Variants in IRX5 observed in about 807,000 individuals in gnomAD.
IRX5 encodes iroquois-class homeodomain protein IRX-5.
Under a neutral mutation model 37.6 loss-of-function variants are expected in IRX5, and 8 were observed. The ratio of observed to expected loss-of-function variants is 0.21; its 90% CI spans 0.12 to 0.38. IRX5 has a LOEUF of 0.38. Among genes scored for constraint, IRX5 ranks in the 10% least tolerant of loss-of-function variants. The pLI, the probability that IRX5 is intolerant of heterozygous loss-of-function variation, is 1.00. For missense variants in IRX5, 635 were observed against 695.2 expected (o/e 0.91, Z 0.97); for synonymous variants, 359 against 328.6 (o/e 1.09, Z -1.00).
intron 1 of IRX5, chr16:54,931,941 G>C (rs1249093533): frequency 6.4e-6 from 4 of 621,100 alleles, no homozygotes; most frequent in African/African-American, 3.7e-5. Context: ...AAAGTCGGTC[G>C]AGCTGCGGTG....
rs1249752496 is a variant in IRX5, at chr16:54,932,032, G to C, written c.250-466G>C. Reference sequence around the variant, plus strand: ...GGTGGGAGTGCGTGGGCATGGCTCAGCTTTTTGTTTGCATTTCTTAGCTGT... The same window carrying C: ...GGTGGGAGTGCGTGGGCATGGCTCACCTTTTTGTTTGCATTTCTTAGCTGT... On this transcript the variant is annotated intron_variant, in intron 1 of 2. Coordinates refer to ENST00000394636, the MANE Select transcript of IRX5 (RefSeq NM_005853.6). The surrounding 1 kb of genome is among the most constrained non-coding windows in gnomAD (Gnocchi z 6.7). 3 of 701,494 alleles carry C rather than the reference G, an allele frequency of 4.3e-6. No individual in the cohort carries two copies. Among genetic ancestry groups the C allele is most frequent in the Non-Finnish European group, 5.2e-6 (2 of 384,496 alleles). The allele number at this position is 701,494 out of a possible 1,614,324, so 43.5% of individuals were successfully genotyped here. A position where few individuals can be genotyped will look rare whatever the true frequency, so the allele number is the denominator to read the frequency against.
chr16:54,931,771 A>G (rs765240892), intron 1 of IRX5, among the ~76,000 whole-genome samples: 3 of 152,368 alleles, frequency 2.0e-5, no homozygotes, highest in South Asian at 2.1e-4. Context: ...TGGTTTTGCC[A>G]TTTTGGAAAA....
chr16:54,933,320 C>G lies in IRX5; in HGVS notation c.899C>G (p.Pro300Arg), dbSNP rs774473159. Reference sequence around the variant, plus strand: ...CCCGCCGGAGCGCCGGCGCCCGGCCCGCATCCAGCCGCGGGCGAGGTGCCT... The same window carrying G: ...CCCGCCGGAGCGCCGGCGCCCGGCCGGCATCCAGCCGCGGGCGAGGTGCCT... ...HYPAGAPAPG[P>R]HPAAGEVPPG... Residue 300 changes from proline to arginine, a missense_variant, in exon 3 of 3, where the codon CCG becomes CGG. Coordinates refer to ENST00000394636, the MANE Select transcript of IRX5 (RefSeq NM_005853.6). 2 of 1,452,134 alleles carry G rather than the reference C, an allele frequency of 1.4e-6. No individual in the cohort carries two copies. The highest frequency in any genetic ancestry group is 1.4e-5 in the South Asian group (1 of 73,622). 90.0% of individuals were successfully genotyped at this position (1,452,134 alleles called of 1,614,324 possible).
Position 54,931,395 on chromosome 16 carries a change from A to T in IRX5, c.197A>T (p.Gln66Leu). 1 of 1,599,078 alleles carries T rather than the reference A, an allele frequency of 6.3e-7. No individual in the cohort carries two copies. ...TCGCCGGGCTACAACTCGCACCTCCAGTACGGCGCCGACCCCGCGGCCGCC... is the reference window on the plus strand; with the variant it reads ...TCGCCGGGCTACAACTCGCACCTCCTGTACGGCGCCGACCCCGCGGCCGCC... Reference protein sequence around the residue: ...APSPGYNSHLQYGADPAAAAA... With the variant: ...APSPGYNSHLLYGADPAAAAA... Residue 66 changes from glutamine to leucine, a missense_variant, in exon 1 of 3, where the codon CAG (glutamine) becomes CTG (leucine). Gln to Leu is a moderately radical substitution (Grantham distance 113). Coordinates refer to ENST00000394636, the MANE Select transcript of IRX5 (RefSeq NM_005853.6).
In IRX5 at chr16:54,932,859, C is replaced by G; in HGVS notation, c.611C>G (p.Pro204Arg). The stretch of plus-strand genomic sequence containing the variant: ...CTGGAGAAGAACGACGAGGACGAGC[C>G]CCAGAAGCCCGAGGACAAGGGCGAC... ...IDLEKNDEDE[P>R]QKPEDKGDPE... Residue 204 changes from proline (P) to arginine (R), a missense_variant, in exon 2 of 3, where the codon CCC (proline) becomes CGC (arginine). Around this residue, in one of 5 missense-constraint regions of IRX5, gnomAD observed 244 missense variants for 205.4 expected, o/e 1.19. Coordinates refer to ENST00000394636, the MANE Select transcript of IRX5 (RefSeq NM_005853.6). This position sits in a 1 kb window ranked among gnomAD's most constrained non-coding sequence, Gnocchi z 6.7. 1 of 1,613,824 alleles carries G rather than the reference C, an allele frequency of 6.2e-7. No homozygotes were observed. Among genetic ancestry groups the G allele is most frequent in the Non-Finnish European group, 8.5e-7 (1 of 1,179,880 alleles).
rs1162773855 is a variant in IRX5 at position 54,931,197 on chromosome 16, C to T, written c.-2C>T. ...CGGCGCGCCCCATGCCCGTGTGTGG[C>T]CATGTCCTATCCGCAGGGCTACTTG... On this transcript the variant is annotated 5_prime_UTR_variant, in exon 1 of 3. Coordinates refer to ENST00000394636, the MANE Select transcript of IRX5 (RefSeq NM_005853.6). 6.2e-7 allele frequency: 1 copy of T among 1,603,944 alleles called. No homozygotes were observed. The highest frequency in any genetic ancestry group is 1.4e-5 in the African/African-American group (1 of 73,822).
At position 54,932,519 on chromosome 16, in the gene IRX5, C is replaced by G; in HGVS notation, c.271C>G (p.Pro91Ala). ...GCAGGGCTCTCCCTACGACCACACA[C>G]CCGGCATGGCGGGCTCCTTGGGGTA... is the stretch of plus-strand genomic sequence containing the variant. Reference protein sequence around the residue: ...SYVGSPYDHTPGMAGSLGYHP... With the variant: ...SYVGSPYDHTAGMAGSLGYHP... The change falls in exon 2 of 3, where the codon CCC becomes GCC. Residue 91 changes from proline to alanine, a missense_variant. Pro to Ala is a conservative substitution (Grantham distance 27). This residue lies in a region of IRX5 where 145 missense variants were observed against 152.4 expected (regional missense o/e 0.95). Coordinates refer to ENST00000394636, the MANE Select transcript of IRX5 (RefSeq NM_005853.6). This position sits in a 1 kb window ranked among gnomAD's most constrained non-coding sequence, Gnocchi z 6.7. 1 of 1,612,596 alleles carries G rather than the reference C, an allele frequency of 6.2e-7. No homozygotes were observed. Among genetic ancestry groups the G allele is most frequent in the Non-Finnish European group, 8.5e-7 (1 of 1,179,124 alleles).
rs181183549 is a variant in IRX5 at position 54,934,260 on chromosome 16, A to T, written c.*387A>T. 284 of 156,130 alleles carry T rather than the reference A, an allele frequency of 1.8e-3. No individual in the cohort carries two copies. Among genetic ancestry groups the T allele is most frequent in the African/African-American group, 6.5e-3 (270 of 41,746 alleles). 9.7% of individuals were successfully genotyped at this position (156,130 alleles called of 1,614,324 possible). ...TTTCCCCCAAAACTGTTTCATAGTT[A>T]AAAAATACAAGTTTAATTTAATTTT... On this transcript the variant is annotated 3_prime_UTR_variant, in exon 3 of 3. Coordinates refer to ENST00000394636, the MANE Select transcript of IRX5 (RefSeq NM_005853.6).
chr16:54,933,639 G>C lies in IRX5; in HGVS notation c.1218G>C (p.Ala406=). The C allele has an allele frequency of 6.2e-7, 1 of 1,609,898 alleles. No homozygotes were observed. The highest frequency in any genetic ancestry group is 8.5e-7 in the Non-Finnish European group (1 of 1,176,932). The part of the protein sequence containing the change: ...TVLSRPLYYT[A]PFYPGYTNYG... The stretch of plus-strand genomic sequence containing the variant: ...TGTCCCGGCCTCTCTACTACACCGC[G>C]CCCTTCTATCCCGGCTACACGAACT... The change falls in exon 3 of 3, where the codon GCG becomes GCC. Residue 406 remains alanine (A), a synonymous_variant. Transcript: ENST00000394636.
chr16:54,933,145 G>C lies in IRX5; in HGVS notation c.724G>C (p.Glu242Gln), dbSNP rs1354508560. 1.3e-6 allele frequency: 2 copies of C among 1,582,100 alleles called. No homozygotes were observed. Among genetic ancestry groups the C allele is most frequent in the Non-Finnish European group, 1.7e-6 (2 of 1,171,452 alleles). Residue 242 changes from glutamate (E) to glutamine (Q), a missense_variant, in exon 3 of 3, where the codon GAG becomes CAG. Physicochemically the swap from Glu to Gln is conservative, Grantham distance 29 (BLOSUM62 2). This residue lies in a region of IRX5 where 244 missense variants were observed against 205.4 expected (regional missense o/e 1.19). Coordinates refer to ENST00000394636, the MANE Select transcript of IRX5 (RefSeq NM_005853.6). ...LQGPPTPAGK[E>Q]TEGSLSDSDF... ...GGGACCACCCACCCCTGCAGGCAAG[G>C]AGACGGAGGGCAGCCTCAGCGACTC...
At position 54,932,881 on chromosome 16, in the gene IRX5, C is replaced by A. The variant is rs777128193; in HGVS notation, c.633C>A (p.Gly211=). The change falls in exon 2 of 3, where the codon GGC becomes GGA. Residue 211 remains glycine (G), a synonymous_variant. Coordinates refer to ENST00000394636, the MANE Select transcript of IRX5 (RefSeq NM_005853.6). The surrounding 1 kb of genome is among the most constrained non-coding windows in gnomAD (Gnocchi z 6.7). ...AGCCCCAGAAGCCCGAGGACAAGGG[C>A]GACCCCGAGGGCCCCGAAGCAGGTT... ...EDEPQKPEDK[G]DPEGPEAGGA... is the part of the protein sequence containing the mutation. 1.2e-6 allele frequency: 2 copies of A among 1,611,596 alleles called. No homozygotes were observed. Among genetic ancestry groups the A allele is most frequent in the Non-Finnish European group, 8.5e-7 (1 of 1,178,654 alleles).
chr16:54,931,317 C>T lies in IRX5; in HGVS notation c.119C>T (p.Ser40Phe). ...CGCACGGATGAGCTCGGCCGCTCTT[C>T]TTCGGGCTCCGCGTTCTCGCCCTAC... ...GPRTDELGRS[S>F]SGSAFSPYAG... The change falls in exon 1 of 3, where the codon TCT becomes TTT. Residue 40 changes from serine to phenylalanine, a missense_variant. By Grantham distance (155) the Ser-to-Phe change is radical. This residue lies in a region of IRX5 where 145 missense variants were observed against 152.4 expected (regional missense o/e 0.95). Coordinates refer to ENST00000394636, the MANE Select transcript of IRX5 (RefSeq NM_005853.6). 1 of 1,612,074 alleles carries T rather than the reference C, an allele frequency of 6.2e-7. No homozygotes were observed. The highest frequency in any genetic ancestry group is 8.5e-7 in the Non-Finnish European group (1 of 1,179,658).
In IRX5 at chr16:54,933,951, A is replaced by G. The variant is rs1963938760; in HGVS notation, c.*78A>G. ...GCAGTTATTTTTCCATCACCGAGAG[A>G]GAGAGACAGAGAGAGAAAATAAACT... On this transcript the variant is annotated 3_prime_UTR_variant, in exon 3 of 3. Coordinates refer to ENST00000394636, the MANE Select transcript of IRX5 (RefSeq NM_005853.6). 4.4e-6 allele frequency: 6 copies of G among 1,366,300 alleles called. No individual in the cohort carries two copies. The highest frequency in any genetic ancestry group is 5.8e-6 in the Non-Finnish European group (6 of 1,026,294). The allele number at this position is 1,366,300 out of a possible 1,614,324, so 84.6% of individuals were successfully genotyped here.
Position 54,932,392 on chromosome 16 carries a change from T to G in IRX5, c.250-106T>G. On this transcript the variant is annotated intron_variant, in intron 1 of 2. Transcript: ENST00000394636. This position sits in a 1 kb window ranked among gnomAD's most constrained non-coding sequence, Gnocchi z 6.7. ...CCCGTAGGAAGCTGGAGTGCGGGCC[T>G]CGTCCACCCACAGACCCCGGGGAGC... 1 of 1,332,580 alleles carries G rather than the reference T, an allele frequency of 7.5e-7. No homozygotes were observed. The highest frequency in any genetic ancestry group is 2.2e-4 in the Middle Eastern group (1 of 4,450). 82.5% of individuals were successfully genotyped at this position (1,332,580 alleles called of 1,614,324 possible). A position where few individuals can be genotyped will look rare whatever the true frequency, so the allele number is the denominator to read the frequency against.
chr16:54,932,112 C>T lies in IRX5; in HGVS notation c.250-386C>T. ...CCTTGTTTTCCCCCCTTGCGCCCAA[C>T]GTGCGTCCGCTCCCCCGCCGAGCGC... On this transcript the variant is annotated intron_variant, in intron 1 of 2. Transcript: ENST00000394636. This position sits in a 1 kb window ranked among gnomAD's most constrained non-coding sequence, Gnocchi z 6.7. The T allele has an allele frequency of 1.4e-6, 1 of 702,900 alleles. No homozygotes were observed. Among genetic ancestry groups the T allele is most frequent in the South Asian group, 1.5e-5 (1 of 67,604 alleles). The allele number at this position is 702,900 out of a possible 1,614,324, so 43.5% of individuals were successfully genotyped here.
Position 54,931,389 on chromosome 16 carries a change from A to C in IRX5, c.191A>C (p.His64Pro). 6.2e-7 allele frequency: 1 copy of C among 1,600,288 alleles called. No homozygotes were observed. Among genetic ancestry groups the C allele is most frequent in the Non-Finnish European group, 8.5e-7 (1 of 1,178,956 alleles). The change falls in exon 1 of 3, where the codon CAC (histidine) becomes CCC (proline). Residue 64 changes from histidine (H) to proline (P), a missense_variant. Transcript: ENST00000394636. ...GCGCCCTCGCCGGGCTACAACTCGC[A>C]CCTCCAGTACGGCGCCGACCCCGCG... Reference protein sequence around the residue: ...FTAPSPGYNSHLQYGADPAAA... With the variant: ...FTAPSPGYNSPLQYGADPAAA...
chr16:54,932,529 C>A lies in IRX5; in HGVS notation c.281C>A (p.Ala94Glu). 2 of 1,613,046 alleles carry A rather than the reference C, an allele frequency of 1.2e-6. No individual in the cohort carries two copies. The highest frequency in any genetic ancestry group is 1.1e-5 in the South Asian group (1 of 90,962). The change falls in exon 2 of 3, where the codon GCG becomes GAG. Residue 94 changes from alanine (A) to glutamate (E), a missense_variant. Around this residue, in one of 5 missense-constraint regions of IRX5, gnomAD observed 145 missense variants for 152.4 expected, o/e 0.95. Transcript: ENST00000394636. The surrounding 1 kb of genome is among the most constrained non-coding windows in gnomAD (Gnocchi z 6.7). ...CCCTACGACCACACACCCGGCATGG[C>A]GGGCTCCTTGGGGTACCATCCTTAC... is the stretch of plus-strand genomic sequence containing the variant. The part of the protein sequence containing the change: ...GSPYDHTPGM[A>E]GSLGYHPYAA...
rs1444612456 is a variant in IRX5, at chr16:54,931,181, C to G, written c.-18C>G. The G allele has an allele frequency of 1.9e-6, 3 of 1,552,418 alleles. No homozygotes were observed. Among genetic ancestry groups the G allele is most frequent in the African/African-American group, 1.4e-5 (1 of 70,264 alleles). On this transcript the variant is annotated 5_prime_UTR_variant, in exon 1 of 3. Coordinates refer to ENST00000394636, the MANE Select transcript of IRX5 (RefSeq NM_005853.6). ...GTTGGCGGCCGCGGCGCGGCGCGCC[C>G]CATGCCCGTGTGTGGCCATGTCCTA...
chr16:54,933,205 G>T lies in IRX5; in HGVS notation c.784G>T (p.Asp262Tyr). The change falls in exon 3 of 3, where the codon GAC becomes TAC. Residue 262 changes from aspartate (D) to tyrosine (Y), a missense_variant. This residue lies in a region of IRX5 where 244 missense variants were observed against 205.4 expected (regional missense o/e 1.19). Coordinates refer to ENST00000394636, the MANE Select transcript of IRX5 (RefSeq NM_005853.6). ...GGAGCCGCCCTCGGAGGGCCGCCTC[G>T]ACGCGCTGCAGGGCCCCCCCCGCAC... ...FKEPPSEGRL[D>Y]ALQGPPRTGG... The T allele has an allele frequency of 2.0e-6, 3 of 1,533,916 alleles. No homozygotes were observed. The highest frequency in any genetic ancestry group is 2.0e-5 in the Admixed American group (1 of 51,092).
Sources: allele counts gnomAD v4.1 joint callset (sites outside exome capture counted in the v4.1 genomes callset), GRCh38; gene constraint gnomAD v4.1.1; regional missense constraint gnomAD v4.1.1; non-coding constraint Gnocchi (gnomAD v3.1); transcripts MANE v1.5; gene names NCBI Gene and HGNC (gene_info 2026-07-23, HGNC 2026-07-21).